The following KLHL32 variants were observed in gnomAD, a reference collection of about 807,000 sequenced individuals.
The protein encoded by KLHL32 is kelch-like protein 32.
In KLHL32, 35 loss-of-function variants were observed where a neutral mutation model predicts 64.8. The ratio of observed to expected loss-of-function variants is 0.54; its 90% CI spans 0.41 to 0.72. The LOEUF is 0.72. KLHL32 is among the 30% of genes least tolerant of loss of function. The pLI is 0.00. For missense variants in KLHL32, 589 were observed against 768.5 expected (o/e 0.77, Z 2.76); for synonymous variants, 259 against 281.0 (o/e 0.92, Z 0.78).
chr6:97,000,397 G>A (rs1458123146), intron 3 of KLHL32, among the ~76,000 whole-genome samples: 1 of 152,166 alleles, frequency 6.6e-6, no homozygotes, highest in Non-Finnish European at 1.5e-5. Flanking sequence ...GGCATTTTTT[G>A]ACAGGAAGTC....
chr6:97,060,854 A>G (rs1582887864), intron 4 of KLHL32, among the ~76,000 whole-genome samples: 1 of 151,948 alleles, frequency 6.6e-6, no homozygotes, highest in Admixed American at 6.6e-5. Flanking sequence ...ATTCTGTGTC[A>G]CCCTAAATAC....
At chr6:97,100,626 A>T (rs1019355495) in intron 6 of KLHL32, among the ~76,000 whole-genome samples, 7 of 152,164 alleles carry the variant, frequency 4.6e-5, no homozygotes, top group Admixed American at 4.6e-4. Flanking sequence ...CTTTCTGGAC[A>T]TCTAAACTCA....
At chr6:96,951,286 G>T (rs1397046738) in intron 1 of KLHL32, among the ~76,000 whole-genome samples, 1 of 152,072 alleles carries the variant, frequency 6.6e-6, no homozygotes, top group Non-Finnish European at 1.5e-5. Flanking sequence ...GATGTCAACA[G>T]CCCTATACAC....
chr6:96,977,896 G>A (rs1243196887), intron 3 of KLHL32, among the ~76,000 whole-genome samples: 1 of 152,172 alleles, frequency 6.6e-6, no homozygotes, highest in African/African-American at 2.4e-5. Context: ...ATGATACAGA[G>A]TATCTGTAAA....
intron 5 of KLHL32, among the ~76,000 whole-genome samples, chr6:97,069,518 G>A (rs1363127173): frequency 6.6e-6 from 1 of 151,518 alleles, no homozygotes; most frequent in Non-Finnish European, 1.5e-5. Flanking sequence ...GTATCTGAGT[G>A]CTGTTTTTGC....
At chr6:96,920,639 A>C (rs1203367839), upstream of KLHL32, among the ~76,000 whole-genome samples, 1 of 151,932 alleles carries the variant, frequency 6.6e-6, no homozygotes, top group Non-Finnish European at 1.5e-5. Context: ...ATCACATTAT[A>C]CCTATTGATC....
At chr6:96,919,774 G>A (rs1315874080), upstream of KLHL32, among the ~76,000 whole-genome samples, 1 of 152,062 alleles carries the variant, frequency 6.6e-6, no homozygotes, top group Non-Finnish European at 1.5e-5. Context: ...AAAAATAAAA[G>A]AGCCACATCA....
At chr6:97,060,632 C>T (rs1417228401) in intron 4 of KLHL32, among the ~76,000 whole-genome samples, 1 of 152,148 alleles carries the variant, frequency 6.6e-6, no homozygotes, top group East Asian at 1.9e-4. Context: ...TTTAGAGGGT[C>T]TTCATTGGAG....
At chr6:96,959,087 T>G (rs1318088736) in intron 1 of KLHL32, among the ~76,000 whole-genome samples, 1 of 152,150 alleles carries the variant, frequency 6.6e-6, no homozygotes, top group Non-Finnish European at 1.5e-5. Flanking sequence ...GTGGTGGGGT[T>G]TAGCACCTAG....
the KLHL32 span, among the ~76,000 whole-genome samples, chr6:96,915,469 G>A: frequency 1.3e-4 from 20 of 152,292 alleles, no homozygotes; most frequent in African/African-American, 4.1e-4. Context: ...CCAGGTGCCC[G>A]AGAGCTCAGT....
rs117702894 is a variant in KLHL32 at position 97,035,443 on chromosome 6, T to C, written c.205-6049T>C. Among the ~76,000 whole-genome samples the C allele has an allele frequency of 5.8e-4, 88 of 152,302 alleles. 1 individual carries two copies. In the East Asian group the frequency reaches 0.014, roughly 24 times the overall value. On this transcript the variant is annotated intron_variant, in intron 3 of 10. Coordinates refer to ENST00000369261, the MANE Select transcript of KLHL32 (RefSeq NM_052904.4). ...TGCCAGTGAGATTTATGTTTTCTTA[T>C]GCTTTCACGTTACTGTTTAGCATGT...
intron 4 of KLHL32, among the ~76,000 whole-genome samples, chr6:97,058,089 C>G (rs1222688440): frequency 6.6e-6 from 1 of 152,160 alleles, no homozygotes; most frequent in Non-Finnish European, 1.5e-5. Context: ...GCTCTCTGTT[C>G]TGTTCCATTG....
At chr6:96,952,348 A>T (rs1772727723) in intron 1 of KLHL32, among the ~76,000 whole-genome samples, 2 of 152,228 alleles carry the variant, frequency 1.3e-5, no homozygotes, top group Admixed American at 6.5e-5. Context: ...GACCAGAAAT[A>T]TGCCATAGGA....
intron 3 of KLHL32, among the ~76,000 whole-genome samples, chr6:96,995,283 G>T (rs1308727748): frequency 6.6e-6 from 1 of 152,176 alleles, no homozygotes; most frequent in East Asian, 1.9e-4. Flanking sequence ...GTTAGGCTCA[G>T]CTACTGCAGG....
chr6:97,131,879 C>G (rs943503421), intron 9 of KLHL32, among the ~76,000 whole-genome samples: 2 of 152,154 alleles, frequency 1.3e-5, no homozygotes, highest in South Asian at 4.2e-4. Context: ...CTTAGGCCCT[C>G]GATTCTGGAT....
chr6:96,985,198 C>T (rs1357546761), intron 3 of KLHL32, among the ~76,000 whole-genome samples: 4 of 152,118 alleles, frequency 2.6e-5, no homozygotes, highest in African/African-American at 4.8e-5. Flanking sequence ...TGAATATTGG[C>T]CCCCACTCTC....
intron 4 of KLHL32, among the ~76,000 whole-genome samples, chr6:97,050,420 G>C (rs980244206): frequency 6.6e-6 from 1 of 152,142 alleles, no homozygotes; most frequent in African/African-American, 2.4e-5. Flanking sequence ...GCTTGAGAGA[G>C]CATGGAGGTA....
At chr6:97,055,796 TAAAAAAAA>T (rs750242567) in intron 4 of KLHL32, among the ~76,000 whole-genome samples, 2,299 of 81,036 alleles carry the variant, frequency 0.028, 268 homozygotes, top group African/African-American at 0.083. Context: ...AGAACCTGTC[TAAAAAAAA>T]AAAAAAAAAA....
intron 3 of KLHL32, among the ~76,000 whole-genome samples, chr6:97,024,181 CA>C (rs893320065): frequency 6.6e-6 from 1 of 152,194 alleles, no homozygotes; most frequent in Non-Finnish European, 1.5e-5. Flanking sequence ...TGACATTCTG[CA>C]AAGCCAAATT....
Sources: gnomAD v4.1 joint callset for allele counts (sites outside exome capture counted in the v4.1 genomes callset) on GRCh38, gnomAD v4.1.1 for gene constraint, MANE v1.5 for transcripts, NCBI Gene and HGNC (gene_info 2026-07-23, HGNC 2026-07-21) for gene names.